Variants in ST8SIA6 observed in about 807,000 individuals in gnomAD.
ST8SIA6 encodes ST8 alpha-N-acetyl-neuraminide alpha-2,8-sialyltransferase 6, also known as alpha-2,8-sialyltransferase 8F.
Under a neutral mutation model 33.6 loss-of-function variants are expected in ST8SIA6, and 39 were observed. The ratio of observed to expected loss-of-function variants is 1.16; its 90% CI spans 0.90 to 1.52. The LOEUF is 1.52. Ranked by LOEUF, ST8SIA6 falls within the 40% of genes most tolerant of loss-of-function variation. The pLI, the probability that ST8SIA6 is intolerant of heterozygous loss-of-function variation, is 0.00. For missense variants in ST8SIA6, 441 were observed against 443.8 expected (o/e 0.99, Z 0.06); for synonymous variants, 172 against 167.2 (o/e 1.03, Z -0.22).
intron 2 of ST8SIA6, among the ~76,000 whole-genome samples, chr10:17,440,308 C>T (rs1366935732): frequency 4.0e-5 from 6 of 151,086 alleles, no homozygotes; most frequent in Admixed American, 1.3e-4. Flanking sequence ...CGGGCTCAAG[C>T]AATTCTCCTG....
At chr10:17,400,543 T>C (rs1334872783) in intron 2 of ST8SIA6, among the ~76,000 whole-genome samples, 1 of 152,122 alleles carries the variant, frequency 6.6e-6, no homozygotes, top group African/African-American at 2.4e-5. Context: ...AATAAAATCC[T>C]GGCAAACCAA....
chr10:17,453,441 A>G (rs900198379), intron 2 of ST8SIA6, 118 bp downstream of exon 2: 11 of 713,454 alleles, frequency 1.5e-5, no homozygotes, highest in African/African-American at 1.9e-5. Context: ...ACACTCTTAC[A>G]CTCACTCGCG....
chr10:17,343,251 TC>T (rs1218690041), intron 4 of ST8SIA6, among the ~76,000 whole-genome samples: 1 of 152,052 alleles, frequency 6.6e-6, no homozygotes, highest in East Asian at 1.9e-4. Flanking sequence ...TTAACTATGG[TC>T]CAGGAAGAAA....
chr10:17,359,076 G>C (rs1016216413), intron 4 of ST8SIA6, among the ~76,000 whole-genome samples: 4 of 152,148 alleles, frequency 2.6e-5, no homozygotes, highest in Admixed American at 6.6e-5. Flanking sequence ...TCACGCCCCT[G>C]AATGTCACTT....
intron 2 of ST8SIA6, among the ~76,000 whole-genome samples, chr10:17,405,770 T>C (rs1851232823): frequency 6.6e-6 from 1 of 150,828 alleles, no homozygotes; most frequent in South Asian, 2.1e-4. Flanking sequence ...TAGTGCCCCC[T>C]ACTCAGGAGA....
At chr10:17,408,657 C>CA (rs879470636) in intron 2 of ST8SIA6, among the ~76,000 whole-genome samples, 358 of 140,558 alleles carry the variant, frequency 2.5e-3, no homozygotes, top group African/African-American at 8.2e-3. Flanking sequence ...GAGATTGTCT[C>CA]AAAAAAAAAA....
chr10:17,422,869 T>A (rs184762064), intron 2 of ST8SIA6, among the ~76,000 whole-genome samples: 2 of 152,334 alleles, frequency 1.3e-5, no homozygotes, highest in East Asian at 3.9e-4. Context: ...ATTTTCAGCA[T>A]GCTAAGAGAT....
intron 5 of ST8SIA6, among the ~76,000 whole-genome samples, chr10:17,327,762 C>G (rs1848182004): frequency 6.6e-6 from 1 of 151,862 alleles, no homozygotes. Context: ...GAAAAATTGG[C>G]TGAGTTTGGT....
intron 4 of ST8SIA6, among the ~76,000 whole-genome samples, chr10:17,357,983 C>T (rs1334443833): frequency 6.6e-6 from 1 of 152,142 alleles, no homozygotes; most frequent in Admixed American, 6.6e-5. Flanking sequence ...TTTTCAATCT[C>T]ATCTTCCTGC....
intron 2 of ST8SIA6, among the ~76,000 whole-genome samples, chr10:17,421,009 C>T (rs1039224708): frequency 1.3e-5 from 2 of 152,070 alleles, no homozygotes; most frequent in Non-Finnish European, 2.9e-5. Context: ...AGGGTGAAAT[C>T]GCGAGAACAG....
chr10:17,427,579 AGAG>A lies in ST8SIA6; in HGVS notation c.200+25977_200+25979del, dbSNP rs1291243830. Among the ~76,000 whole-genome samples, 5 of 152,378 alleles carry A rather than the reference AGAG, an allele frequency of 3.3e-5. No individual in the cohort carries two copies. In the East Asian group the frequency reaches 5.8e-4, roughly 18 times the overall value. ...TTTGTCTTTGCTGCCTCACAGTTAC[AGAG>A]GAGAAGGTGATGGGATTTCCTTTCT... is the stretch of plus-strand genomic sequence containing the variant. On this transcript the variant is annotated intron_variant, in intron 2 of 7. Transcript: ENST00000377602.
intron 2 of ST8SIA6, among the ~76,000 whole-genome samples, chr10:17,430,922 T>C (rs1852083175): frequency 6.6e-6 from 1 of 152,188 alleles, no homozygotes; most frequent in African/African-American, 2.4e-5. Flanking sequence ...CTCCCTCTTG[T>C]GGCAGACAGT....
At chr10:17,397,717 T>C (rs1327076321) in intron 2 of ST8SIA6, among the ~76,000 whole-genome samples, 1 of 152,180 alleles carries the variant, frequency 6.6e-6, no homozygotes, top group African/African-American at 2.4e-5. Context: ...TCCAGTCTTA[T>C]ATTATGGCTT....
At chr10:17,342,721 C>G (rs552681205) in intron 4 of ST8SIA6, among the ~76,000 whole-genome samples, 2 of 152,200 alleles carry the variant, frequency 1.3e-5, no homozygotes, top group East Asian at 3.9e-4. Context: ...GAGGCCAAGG[C>G]GGATGGATCA....
chr10:17,389,075 C>T (rs1206139604), intron 3 of ST8SIA6, among the ~76,000 whole-genome samples: 2 of 152,120 alleles, frequency 1.3e-5, no homozygotes, highest in Non-Finnish European at 2.9e-5. Context: ...TTCTGCCATC[C>T]CACCCAGGAA....
chr10:17,322,719 G>C (rs535318057), intron 7 of ST8SIA6, among the ~76,000 whole-genome samples: 1 of 152,112 alleles, frequency 6.6e-6, no homozygotes. Flanking sequence ...TTTCTAAATA[G>C]AGTAAGTTTT....
At chr10:17,357,884 G>A (rs543035213) in intron 4 of ST8SIA6, among the ~76,000 whole-genome samples, 12 of 151,594 alleles carry the variant, frequency 7.9e-5, no homozygotes, top group Non-Finnish European at 1.8e-4. Context: ...TTCTTTTTTT[G>A]TCTATTCTGC....
intron 2 of ST8SIA6, among the ~76,000 whole-genome samples, chr10:17,409,030 G>T (rs555605172): frequency 2.4e-4 from 37 of 151,092 alleles, no homozygotes; most frequent in African/African-American, 8.0e-4. Flanking sequence ...TGATCTGCCT[G>T]CCTTGGCCTC....
At chr10:17,353,721 G>T (rs534946450) in intron 4 of ST8SIA6, among the ~76,000 whole-genome samples, 1 of 152,154 alleles carries the variant, frequency 6.6e-6, no homozygotes, top group African/African-American at 2.4e-5. Context: ...CATTTGAAAG[G>T]TATCTCATTT....
Sources: allele counts gnomAD v4.1 joint callset (sites outside exome capture counted in the v4.1 genomes callset), GRCh38; gene constraint gnomAD v4.1.1; transcripts MANE v1.5; gene names NCBI Gene and HGNC (gene_info 2026-07-23, HGNC 2026-07-21).